The following KPNA6 variants were observed in gnomAD, a reference collection of about 807,000 sequenced individuals.
KPNA6 encodes the protein karyopherin subunit alpha 6.
A neutral mutation model predicts 72.0 loss-of-function variants in KPNA6; 9 were observed. That is an observed-to-expected ratio of 0.13 (90% CI 0.08 to 0.22). KPNA6 has a LOEUF of 0.22. KPNA6 is among the 10% of genes least tolerant of loss of function. The pLI, the probability that KPNA6 is intolerant of heterozygous loss-of-function variation, is 1.00. For missense variants in KPNA6, 374 were observed against 655.7 expected, an observed-to-expected ratio of 0.57 and a Z score of 4.69; for synonymous variants, 219 against 242.1, an observed-to-expected ratio of 0.90 and a Z score of 0.89.
chr1:32,118,997 C>CACATATAT (rs1317948681), intron 1 of KPNA6, among the ~76,000 whole-genome samples: 59 of 59,810 alleles, frequency 9.9e-4, no homozygotes, highest in Non-Finnish European at 1.5e-3. Context: ...TGTGTGTATA[C>CACATATAT]ATATATATAT....
rs750800728 is a variant in KPNA6, at chr1:32,108,098, C to G, written c.-33C>G. 2 of 1,613,948 alleles carry G rather than the reference C, an allele frequency of 1.2e-6. No individual in the cohort carries two copies. Among genetic ancestry groups the G allele is most frequent in the Admixed American group, 3.3e-5 (2 of 60,024 alleles). ...CTGCCGCTGAAGCTGCCGCCGTTGC[C>G]TCCGCCGCCAAGAGTGAGCGAGCGG... is the stretch of plus-strand genomic sequence containing the variant. On this transcript the variant is annotated 5_prime_UTR_variant, in exon 1 of 14. Coordinates refer to ENST00000373625, the MANE Select transcript of KPNA6 (RefSeq NM_012316.5).
At chr1:32,142,088 C>G (rs1411501721) in intron 1 of KPNA6, among the ~76,000 whole-genome samples, 1 of 151,784 alleles carries the variant, frequency 6.6e-6, no homozygotes, top group Non-Finnish European at 1.5e-5. Flanking sequence ...GAGACCGTCT[C>G]TACTAAAAAT....
At position 32,173,372 on chromosome 1, in the gene KPNA6, C is replaced by T. The variant is rs879068578; in HGVS notation, c.*2478C>T. 6 of 348,722 alleles carry T rather than the reference C, an allele frequency of 1.7e-5. No homozygotes were observed. The highest frequency in any genetic ancestry group is 1.5e-4 in the South Asian group (1 of 6,566). 21.6% of individuals were successfully genotyped at this position (348,722 alleles called of 1,614,324 possible). ...CCAAAATCTACTTTGGCTTCAGCTCCGGGTCCTGTACCAGATGGAAAATGT... is the reference window on the plus strand; with the variant it reads ...CCAAAATCTACTTTGGCTTCAGCTCTGGGTCCTGTACCAGATGGAAAATGT... On this transcript the variant is annotated 3_prime_UTR_variant, in exon 14 of 14. Coordinates refer to ENST00000373625, the MANE Select transcript of KPNA6 (RefSeq NM_012316.5).
chr1:32,134,553 G>A (rs957916703), intron 1 of KPNA6, among the ~76,000 whole-genome samples: 1 of 151,168 alleles, frequency 6.6e-6, no homozygotes, highest in African/African-American at 2.4e-5. Flanking sequence ...CAGGAGAATC[G>A]CTAGAACCCG....
In KPNA6 at chr1:32,160,655, T is replaced by C; in HGVS notation, c.599T>C (p.Val200Ala). 1 of 1,614,062 alleles carries C rather than the reference T, an allele frequency of 6.2e-7. No individual in the cohort carries two copies. The highest frequency in any genetic ancestry group is 8.5e-7 in the Non-Finnish European group (1 of 1,179,968). The change falls in exon 7 of 14, where the codon GTT becomes GCT. Residue 200 changes from valine (V) to alanine (A), a missense_variant. By Grantham distance (64) the Val-to-Ala change is moderately conservative. Coordinates refer to ENST00000373625, the MANE Select transcript of KPNA6 (RefSeq NM_012316.5). ...GGAAACATAGCTGGAGATAGCTCTG[T>C]TTGCCGAGATTACGTCTTGAACTGT... is the stretch of plus-strand genomic sequence containing the variant. Reference protein sequence around the residue: ...ALGNIAGDSSVCRDYVLNCSI... With the variant: ...ALGNIAGDSSACRDYVLNCSI...
rs1408848795 is a variant in KPNA6, at chr1:32,176,237, G to GA, written c.*5344dup. 1 of 152,082 alleles carries GA rather than the reference G, an allele frequency of 6.6e-6. No homozygotes were observed. Among genetic ancestry groups the GA allele is most frequent in the Non-Finnish European group, 1.5e-5 (1 of 68,002 alleles). The allele number at this position is 152,082 out of a possible 1,614,324, so 9.4% of individuals were successfully genotyped here. On this transcript the variant is annotated 3_prime_UTR_variant, in exon 14 of 14. Transcript: ENST00000373625. ...GGAGTCCCAGCCACTCAAGAGACTG[G>GA]ATATCCCCCGAGAATGGCTTGGGTT...
Position 32,170,775 on chromosome 1 carries a change from A to G in KPNA6, c.1492A>G (p.Ile498Val). The change falls in exon 14 of 14, where the codon ATT becomes GTT. Residue 498 changes from isoleucine (I) to valine (V), a missense_variant. By Grantham distance (29) the Ile-to-Val change is conservative. Around this residue, in one of 3 missense-constraint regions of KPNA6, gnomAD observed 42 missense variants for 49.8 expected, o/e 0.84. Coordinates refer to ENST00000373625, the MANE Select transcript of KPNA6 (RefSeq NM_012316.5). ...GATCTACCAGAAGGCCTTCGACCTC[A>G]TTGAGCACTACTTTGGTGTAGAAGA... is the stretch of plus-strand genomic sequence containing the variant. Reference protein sequence around the residue: ...QEIYQKAFDLIEHYFGVEDDD... With the variant: ...QEIYQKAFDLVEHYFGVEDDD... 6.2e-7 allele frequency: 1 copy of G among 1,614,218 alleles called. No homozygotes were observed. Among genetic ancestry groups the G allele is most frequent in the Non-Finnish European group, 8.5e-7 (1 of 1,180,034 alleles).
chr1:32,126,074 T>C (rs1455956273), intron 1 of KPNA6, among the ~76,000 whole-genome samples: 3 of 151,752 alleles, frequency 2.0e-5, no homozygotes, highest in African/African-American at 7.3e-5. Flanking sequence ...TTTGTAGAGA[T>C]TGGGTCTTGC....
chr1:32,144,400 T>C (rs1265950742), intron 1 of KPNA6, among the ~76,000 whole-genome samples: 2 of 152,232 alleles, frequency 1.3e-5, no homozygotes, highest in East Asian at 3.8e-4. Context: ...TTCAGACCAC[T>C]GTTGTCCATG....
At position 32,173,176 on chromosome 1, in the gene KPNA6, A is replaced by T; in HGVS notation, c.*2282A>T. The T allele has an allele frequency of 3.7e-6, 1 of 269,592 alleles. No individual in the cohort carries two copies. The highest frequency in any genetic ancestry group is 7.1e-6 in the Non-Finnish European group (1 of 140,710). The allele number at this position is 269,592 out of a possible 1,614,324, so 16.7% of individuals were successfully genotyped here. ...AAAAAACCATTCTCTTACAGTTTAA[A>T]AAAAAAAAAAAAAAAAAAGCCTTCC... On this transcript the variant is annotated 3_prime_UTR_variant, in exon 14 of 14. Transcript: ENST00000373625.
intron 1 of KPNA6, among the ~76,000 whole-genome samples, chr1:32,133,516 CAAAAAA>C (rs56850687): frequency 0.019 from 829 of 43,852 alleles, 6 homozygotes; most frequent in African/African-American, 0.052. Flanking sequence ...CTAGTCTCTA[CAAAAAA>C]AAAAAAAAAA....
intron 1 of KPNA6, among the ~76,000 whole-genome samples, chr1:32,133,516 CA>C (rs56850687): frequency 0.066 from 2,908 of 43,856 alleles, 47 homozygotes; most frequent in African/African-American, 0.19. Flanking sequence ...CTAGTCTCTA[CA>C]AAAAAAAAAA....
At chr1:32,139,561 G>A (rs1300908567) in intron 1 of KPNA6, among the ~76,000 whole-genome samples, 1 of 152,134 alleles carries the variant, frequency 6.6e-6, no homozygotes, top group Non-Finnish European at 1.5e-5. Flanking sequence ...GGAAATACAA[G>A]GGGTAAGGGT....
intron 1 of KPNA6, among the ~76,000 whole-genome samples, chr1:32,140,107 C>T (rs949087934): frequency 6.6e-6 from 1 of 151,988 alleles, no homozygotes; most frequent in African/African-American, 2.4e-5. Context: ...AGAAGAAGGT[C>T]CTGGGCCTGG....
chr1:32,159,981 A>G (rs2124074049), intron 6 of KPNA6, among the ~76,000 whole-genome samples: 1 of 152,350 alleles, frequency 6.6e-6, no homozygotes, highest in Admixed American at 6.5e-5. Flanking sequence ...GCTCTTTTAT[A>G]GACTTGGTCC....
intron 1 of KPNA6, among the ~76,000 whole-genome samples, chr1:32,115,036 C>T (rs1054045957): frequency 6.6e-6 from 1 of 152,154 alleles, no homozygotes; most frequent in African/African-American, 2.4e-5. Context: ...GACAGTGTTT[C>T]GCCGTGTTGG....
intron 1 of KPNA6, among the ~76,000 whole-genome samples, chr1:32,145,039 G>A (rs917045205): frequency 1.1e-4 from 16 of 148,514 alleles, no homozygotes; most frequent in East Asian, 2.0e-4. Flanking sequence ...TGCAAACTCC[G>A]CCTCCCAGGT....
rs1371183711 is a variant in KPNA6, at chr1:32,171,667, C to A, written c.*773C>A. The stretch of plus-strand genomic sequence containing the variant: ...ACTCTCCTGAAGTGTCTCAAGTATA[C>A]CAGTGGGAGTGCAGGGGAGGAGCAC... On this transcript the variant is annotated 3_prime_UTR_variant, in exon 14 of 14. Transcript: ENST00000373625. The A allele has an allele frequency of 6.6e-6, 1 of 152,148 alleles. No individual in the cohort carries two copies. The highest frequency in any genetic ancestry group is 1.5e-5 in the Non-Finnish European group (1 of 68,052). 9.4% of individuals were successfully genotyped at this position (152,148 alleles called of 1,614,324 possible).
chr1:32,129,746 A>G (rs1355292226), intron 1 of KPNA6, among the ~76,000 whole-genome samples: 1 of 152,074 alleles, frequency 6.6e-6, no homozygotes, highest in Non-Finnish European at 1.5e-5. Flanking sequence ...TATTTTTAGT[A>G]GAGACGAGGT....
Sources: allele counts gnomAD v4.1 joint callset (sites outside exome capture counted in the v4.1 genomes callset), GRCh38; gene constraint gnomAD v4.1.1; regional missense constraint gnomAD v4.1.1; transcripts MANE v1.5; gene names NCBI Gene and HGNC (gene_info 2026-07-23, HGNC 2026-07-21).